The following GOLGA4 variants were observed in gnomAD, a reference collection of about 807,000 sequenced individuals.
GOLGA4 encodes the protein golgin subfamily A member 4.
GOLGA4 carries 169 observed loss-of-function variants against 265.9 expected under a neutral mutation model. The observed-to-expected ratio is 0.64, with a 90% CI of 0.56 to 0.72. The LOEUF (loss-of-function observed/expected upper bound fraction) is 0.72. Among genes scored for constraint, GOLGA4 ranks in the 30% least tolerant of loss-of-function variants. The pLI, the probability that GOLGA4 is intolerant of heterozygous loss-of-function variation, is 0.00. For synonymous variants in GOLGA4, 923 were observed against 855.8 expected (o/e 1.08, Z -1.37); for missense variants, 2,482 against 2,483.4 (o/e 1.00, Z 0.01).
At chr3:37,303,690 G>A (rs1214839744) in intron 10 of GOLGA4, among the ~76,000 whole-genome samples, 1 of 152,112 alleles carries the variant, frequency 6.6e-6, no homozygotes, top group Admixed American at 6.5e-5. Flanking sequence ...TAGGAGAGGC[G>A]GATTTCTACA....
intron 22 of GOLGA4, among the ~76,000 whole-genome samples, chr3:37,356,785 T>A (rs780325175): frequency 9.9e-5 from 15 of 152,192 alleles, no homozygotes; most frequent in Non-Finnish European, 1.8e-4. Context: ...TTAAATGATA[T>A]AAAAGGGCTT....
rs114980915 is a variant in GOLGA4, at chr3:37,361,152, A to G, written c.6664-91A>G. 3,429 of 995,264 alleles carry G rather than the reference A, an allele frequency of 3.4e-3. 70 individuals carry two copies. The African/African-American group carries it at 0.048, about 14-fold the overall frequency. 61.7% of individuals were successfully genotyped at this position (995,264 alleles called of 1,614,324 possible). Reference sequence around the variant, plus strand: ...GAGAAAAATTTAAGTACAGTCTGTAATCCTATGAACTTCATATACACATAC... The same window carrying G: ...GAGAAAAATTTAAGTACAGTCTGTAGTCCTATGAACTTCATATACACATAC... On this transcript the variant is annotated intron_variant, in intron 22 of 23. Coordinates refer to ENST00000361924, the MANE Select transcript of GOLGA4 (RefSeq NM_002078.5).
intron 5 of GOLGA4, among the ~76,000 whole-genome samples, chr3:37,292,273 C>A (rs1414670142): frequency 6.6e-6 from 1 of 152,092 alleles, no homozygotes; most frequent in Non-Finnish European, 1.5e-5. Flanking sequence ...GTTTACCTTC[C>A]AGTTCCTTCC....
chr3:37,296,137 A>T lies in GOLGA4; in HGVS notation c.732A>T (p.Val244=). The change falls in exon 7 of 24, where the codon GTA becomes GTT. Residue 244 remains valine, a synonymous_variant. Transcript: ENST00000361924. The part of the protein sequence containing the change: ...RLRNGPMNVD[V]LKPLPQLEPQ... ...GAAATGGCCCGATGAATGTTGATGT[A>T]CTGAAACCACTTCCTCAGCTGGAAC... The T allele has an allele frequency of 6.2e-7, 1 of 1,613,486 alleles. No homozygotes were observed. Among genetic ancestry groups the T allele is most frequent in the South Asian group, 1.1e-5 (1 of 91,070 alleles).
At chr3:37,334,815 A>C (rs1034292308) in intron 16 of GOLGA4, among the ~76,000 whole-genome samples, 1 of 152,076 alleles carries the variant, frequency 6.6e-6, no homozygotes, top group Non-Finnish European at 1.5e-5. Flanking sequence ...TCCTAGGAAT[A>C]ATGAGCATTG....
At chr3:37,350,247 T>C (rs1354952205) in intron 21 of GOLGA4, among the ~76,000 whole-genome samples, 2 of 152,170 alleles carry the variant, frequency 1.3e-5, no homozygotes. Context: ...TTAAAGTGTT[T>C]TCTGGCAAGC....
chr3:37,252,155 A>G (rs1226116540), intron 2 of GOLGA4, among the ~76,000 whole-genome samples: 1 of 151,924 alleles, frequency 6.6e-6, no homozygotes, highest in African/African-American at 2.4e-5. Flanking sequence ...TGTGAAGTGT[A>G]ACACACATAC....
intron 3 of GOLGA4, among the ~76,000 whole-genome samples, chr3:37,285,624 T>C (rs1453842091): frequency 3.9e-5 from 6 of 152,216 alleles, no homozygotes; most frequent in African/African-American, 7.2e-5. Flanking sequence ...AGTCTCAAAT[T>C]CAGTTAGATT....
chr3:37,322,237 G>A (rs2096956996), intron 13 of GOLGA4, among the ~76,000 whole-genome samples: 1 of 152,046 alleles, frequency 6.6e-6, no homozygotes, highest in East Asian at 1.9e-4. Flanking sequence ...GCTTGTCCAG[G>A]TTTATCTTAT....
intron 2 of GOLGA4, among the ~76,000 whole-genome samples, chr3:37,259,650 GA>G (rs945380409): frequency 6.6e-6 from 1 of 152,140 alleles, no homozygotes; most frequent in Admixed American, 6.5e-5. Context: ...TGCATATGCT[GA>G]GTATTCTCAT....
chr3:37,283,133 A>G (rs1399267343), intron 3 of GOLGA4, among the ~76,000 whole-genome samples: 1 of 152,218 alleles, frequency 6.6e-6, no homozygotes, highest in East Asian at 1.9e-4. Flanking sequence ...TCCAATTATG[A>G]CTACAATATG....
In GOLGA4 at chr3:37,366,395, C is replaced by CG. The variant is rs1332946670; in HGVS notation, c.*351dup. 1.8e-5 allele frequency: 6 copies of CG among 335,234 alleles called. No homozygotes were observed. The highest frequency in any genetic ancestry group is 3.2e-5 in the Non-Finnish European group (6 of 187,158). The allele number at this position is 335,234 out of a possible 1,614,324, so 20.8% of individuals were successfully genotyped here. ...CCTTTCATCCATTCTTTTTAAAGAACGGCTTACCTTTCCTATTTATTTTTA... is the reference window on the plus strand; with the variant it reads ...CCTTTCATCCATTCTTTTTAAAGAACGGGCTTACCTTTCCTATTTATTTTTA... On this transcript the variant is annotated 3_prime_UTR_variant, in exon 24 of 24. Coordinates refer to ENST00000361924, the MANE Select transcript of GOLGA4 (RefSeq NM_002078.5).
intron 12 of GOLGA4, 82 bp downstream of exon 12, chr3:37,319,276 G>T (rs2096947773): frequency 8.6e-7 from 1 of 1,156,322 alleles, no homozygotes; most frequent in Admixed American, 2.4e-5. Flanking sequence ...TTGCATTCCA[G>T]TTGGAAGTCA....
intron 20 of GOLGA4, among the ~76,000 whole-genome samples, chr3:37,340,675 C>A (rs2097030587): frequency 6.6e-6 from 1 of 152,148 alleles, no homozygotes; most frequent in Non-Finnish European, 1.5e-5. Context: ...TTTTTAGATT[C>A]CACATGTAAG....
rs572538676 is a variant in GOLGA4 at position 37,318,159 on chromosome 3, A to G, written c.1414-904A>G. 2.6e-5 allele frequency among the ~76,000 whole-genome samples: 4 copies of G among 152,188 alleles called. No homozygotes were observed. In the South Asian group the frequency reaches 8.3e-4, roughly 32 times the overall value. On this transcript the variant is annotated intron_variant, in intron 11 of 23. Coordinates refer to ENST00000361924, the MANE Select transcript of GOLGA4 (RefSeq NM_002078.5). ...TTAAATTTTTCCCAGATGGCTACCA[A>G]ATGGTCTCCAAATCATTTATTTAGT...
Position 37,321,777 on chromosome 3 carries a change from A to G in GOLGA4, c.1592A>G (p.Gln531Arg). The G allele has an allele frequency of 6.2e-7, 1 of 1,611,986 alleles. No individual in the cohort carries two copies. Among genetic ancestry groups the G allele is most frequent in the Non-Finnish European group, 8.5e-7 (1 of 1,179,400 alleles). Residue 531 changes from glutamine (Q) to arginine (R), a missense_variant, in exon 13 of 24, where the codon CAG becomes CGG. This residue lies in a region of GOLGA4 where 1,536 missense variants were observed against 1,483.7 expected (regional missense o/e 1.04). Coordinates refer to ENST00000361924, the MANE Select transcript of GOLGA4 (RefSeq NM_002078.5). ...EYLKISQEKE[Q>R]QESLALEELE... is the part of the protein sequence containing the mutation. ...TTGAAGATCAGCCAAGAAAAAGAAC[A>G]GCAAGAATCTTTGGCCCTAGAAGAG...
chr3:37,339,369 A>G lies in GOLGA4; in HGVS notation c.6397-755A>G, dbSNP rs1049943200. ...AGTGCTACTAAAAACATTGATATAC[A>G]GGTTTTTGTTTAAACACCTGTTTCC... On this transcript the variant is annotated intron_variant, in intron 19 of 23. Coordinates refer to ENST00000361924, the MANE Select transcript of GOLGA4 (RefSeq NM_002078.5). Among the ~76,000 whole-genome samples the G allele has an allele frequency of 2.6e-5, 4 of 152,306 alleles. No homozygotes were observed. The East Asian group carries it at 7.7e-4, about 29-fold the overall frequency.
chr3:37,258,273 CATATATATG>C (rs1287420071), intron 2 of GOLGA4, among the ~76,000 whole-genome samples: 1 of 146,272 alleles, frequency 6.8e-6, no homozygotes, highest in Non-Finnish European at 1.5e-5. Context: ...ATATATAGAG[CATATATATG>C]ATATATATAG....
At position 37,362,221 on chromosome 3, in the gene GOLGA4, AT is replaced by A. The variant is rs569050244; in HGVS notation, c.*33+919del. On this transcript the variant is annotated intron_variant, in intron 23 of 23. Coordinates refer to ENST00000361924, the MANE Select transcript of GOLGA4 (RefSeq NM_002078.5). Reference sequence around the variant, plus strand: ...CTTTTATTTATTTATTTATTTATTTATTTATTTATTTATTTATTATTTTTTT... The same window carrying A: ...CTTTTATTTATTTATTTATTTATTTATTATTTATTTATTTATTATTTTTTT... 1.6e-3 allele frequency among the ~76,000 whole-genome samples: 225 copies of A among 141,702 alleles called. 2 individuals carry two copies. Among genetic ancestry groups the A allele is most frequent in the Middle Eastern group, 3.7e-3 (1 of 272 alleles). 93.0% of individuals were successfully genotyped at this position (141,702 alleles called of 152,430 possible). A position where few individuals can be genotyped will look rare whatever the true frequency, so the allele number is the denominator to read the frequency against.
Sources: gnomAD v4.1 joint callset for allele counts (sites outside exome capture counted in the v4.1 genomes callset) on GRCh38, gnomAD v4.1.1 for gene constraint, gnomAD v4.1.1 regional missense constraint, MANE v1.5 for transcripts, NCBI Gene and HGNC (gene_info 2026-07-23, HGNC 2026-07-21) for gene names.